TMPRSS11E: variants seen among roughly 807,000 people sequenced by gnomAD.
The protein encoded by TMPRSS11E is transmembrane protease serine 11E.
Under a neutral mutation model 48.1 loss-of-function variants are expected in TMPRSS11E, and 38 were observed. That is an observed-to-expected ratio of 0.79 (90% CI 0.61 to 1.04). The LOEUF (loss-of-function observed/expected upper bound fraction) is 1.04. Ranked by LOEUF, TMPRSS11E falls within the 50% of genes least tolerant of loss-of-function variation. The pLI is 0.00. For missense variants in TMPRSS11E, 530 were observed against 510.8 expected (o/e 1.04, Z -0.36); for synonymous variants, 158 against 171.9 (o/e 0.92, Z 0.63).
rs186303155 is a variant in TMPRSS11E at position 68,466,711 on chromosome 4, T to C, written c.217T>C (p.Ser73Pro). ...ATATGCTGAGTTTGGCAGAGAGGCTTCTAACAATTTTACAGAAATGAGCCA... is the reference window on the plus strand; with the variant it reads ...ATATGCTGAGTTTGGCAGAGAGGCTCCTAACAATTTTACAGAAATGAGCCA... ...KLYAEFGREA[S>P]NNFTEMSQRL... The change falls in exon 3 of 10, where the codon TCT (serine) becomes CCT (proline). Residue 73 changes from serine (S) to proline (P), a missense_variant. Ser to Pro is a moderately conservative substitution (Grantham distance 74). Coordinates refer to ENST00000305363, the MANE Select transcript of TMPRSS11E (RefSeq NM_014058.4). 1 of 1,613,808 alleles carries C rather than the reference T, an allele frequency of 6.2e-7. No individual in the cohort carries two copies. The highest frequency in any genetic ancestry group is 1.7e-5 in the Admixed American group (1 of 59,988).
intron 9 of TMPRSS11E, among the ~76,000 whole-genome samples, chr4:68,489,805 TC>T (rs762836679): frequency 6.6e-6 from 1 of 152,214 alleles, no homozygotes; most frequent in African/African-American, 2.4e-5. Context: ...ATCAGATTGT[TC>T]CCATCCCACA....
chr4:68,473,587 T>G (rs966574634), intron 5 of TMPRSS11E, among the ~76,000 whole-genome samples: 6 of 152,108 alleles, frequency 3.9e-5, no homozygotes, highest in African/African-American at 1.4e-4. Context: ...TTGAACTTCA[T>G]TTTCAAAACA....
Position 68,466,680 on chromosome 4 carries a change from C to A in TMPRSS11E, c.186C>A (p.Asp62Glu), listed in dbSNP as rs1273246213. 1.2e-6 allele frequency: 2 copies of A among 1,613,720 alleles called. No homozygotes were observed. Among genetic ancestry groups the A allele is most frequent in the Admixed American group, 1.7e-5 (1 of 59,990 alleles). The change falls in exon 3 of 10, where the codon GAC (aspartate) becomes GAA (glutamate). Residue 62 changes from aspartate to glutamate, a missense_variant. Coordinates refer to ENST00000305363, the MANE Select transcript of TMPRSS11E (RefSeq NM_014058.4). Reference protein sequence around the residue: ...NYYSTLSFTTDKLYAEFGREA... With the variant: ...NYYSTLSFTTEKLYAEFGREA... Reference sequence around the variant, plus strand: ...ATAGCACATTGTCATTTACAACTGACAAACTATATGCTGAGTTTGGCAGAG... The same window carrying A: ...ATAGCACATTGTCATTTACAACTGAAAAACTATATGCTGAGTTTGGCAGAG...
chr4:68,456,348 G>A (rs1728627302), intron 1 of TMPRSS11E, among the ~76,000 whole-genome samples: 1 of 151,928 alleles, frequency 6.6e-6, no homozygotes. Context: ...CAGCCCAAGC[G>A]CCTGGCTGAT....
chr4:68,488,585 C>T (rs1295185658), intron 9 of TMPRSS11E, among the ~76,000 whole-genome samples: 1 of 152,134 alleles, frequency 6.6e-6, no homozygotes, highest in African/African-American at 2.4e-5. Context: ...GTTGCCCAGG[C>T]TGGAGTGCAG....
At chr4:68,490,521 A>G (rs1729686174) in intron 9 of TMPRSS11E, among the ~76,000 whole-genome samples, 1 of 152,014 alleles carries the variant, frequency 6.6e-6, no homozygotes, top group Admixed American at 6.6e-5. Context: ...ACTAATGCTC[A>G]TTACTACTGC....
At chr4:68,459,183 A>T (rs1728719604) in intron 1 of TMPRSS11E, among the ~76,000 whole-genome samples, 1 of 152,116 alleles carries the variant, frequency 6.6e-6, no homozygotes, top group African/African-American at 2.4e-5. Flanking sequence ...CTAGCCACTC[A>T]GGAGAGCATG....
chr4:68,496,526 AAC>A (rs1729869265), intron 9 of TMPRSS11E, 115 bp from the exon 10 acceptor site: 1 of 1,030,994 alleles, frequency 9.7e-7, no homozygotes, highest in Admixed American at 2.4e-5. Context: ...TATGCATGCG[AAC>A]ACACGGAATA....
At chr4:68,492,255 G>A (rs1322894700) in intron 9 of TMPRSS11E, among the ~76,000 whole-genome samples, 1 of 152,088 alleles carries the variant, frequency 6.6e-6, no homozygotes, top group African/African-American at 2.4e-5. Context: ...TTCCATATTT[G>A]CAAATTCACC....
At chr4:68,452,444 G>T (rs758504693) in intron 1 of TMPRSS11E, among the ~76,000 whole-genome samples, 2 of 151,808 alleles carry the variant, frequency 1.3e-5, no homozygotes, top group Non-Finnish European at 2.9e-5. Flanking sequence ...TTCTCATTTG[G>T]TACTTTACAA....
Position 68,474,767 on chromosome 4 carries a change from T to C in TMPRSS11E, c.529+6T>C. ...AGACAGCTATCTAAACCATTGTAAG[T>C]TTAATATATTTATTAAAATAGCATT... On this transcript the variant is annotated splice_donor_region_variant and intron_variant, in intron 6 of 9. Transcript: ENST00000305363. 6.3e-6 allele frequency: 10 copies of C among 1,594,028 alleles called. No homozygotes were observed. Among genetic ancestry groups the C allele is most frequent in the Non-Finnish European group, 8.5e-6 (10 of 1,173,326 alleles).
chr4:68,489,361 T>C (rs774065327), intron 9 of TMPRSS11E, among the ~76,000 whole-genome samples: 6 of 152,176 alleles, frequency 3.9e-5, no homozygotes, highest in Non-Finnish European at 8.8e-5. Flanking sequence ...GAGGTGTTCC[T>C]GGTCCACTGG....
At chr4:68,461,979 A>T in intron 2 of TMPRSS11E, 34 bp downstream of exon 2, 1 of 1,612,248 alleles carries the variant, frequency 6.2e-7, no homozygotes, top group Non-Finnish European at 8.5e-7. Context: ...CATGTGATTT[A>T]CCCCAAATAT....
intron 1 of TMPRSS11E, among the ~76,000 whole-genome samples, chr4:68,460,046 T>G (rs1490891415): frequency 6.6e-6 from 1 of 152,130 alleles, no homozygotes; most frequent in Non-Finnish European, 1.5e-5. Flanking sequence ...AAACTGGAGA[T>G]GGGAAAGGTT....
chr4:68,455,468 G>C (rs1728604383), intron 1 of TMPRSS11E, among the ~76,000 whole-genome samples: 1 of 151,874 alleles, frequency 6.6e-6, no homozygotes, highest in African/African-American at 2.4e-5. Flanking sequence ...TCATCTGTTT[G>C]AACTAACACT....
chr4:68,482,165 G>A (rs1186563455), intron 9 of TMPRSS11E, among the ~76,000 whole-genome samples: 1 of 59,378 alleles, frequency 1.7e-5, no homozygotes, highest in African/African-American at 5.6e-5. Flanking sequence ...GAGCAAGAGG[G>A]ATAGAGGTGC....
rs756773369 is a variant in TMPRSS11E at position 68,477,526 on chromosome 4, T to C, written c.865T>C (p.Tyr289His). Residue 289 changes from tyrosine to histidine, a missense_variant, in exon 8 of 10, where the codon TAC becomes CAC. Coordinates refer to ENST00000305363, the MANE Select transcript of TMPRSS11E (RefSeq NM_014058.4). ...TGCAGAGCTTTCTAGCCCTGTTCCC[T>C]ACACAAATGCAGTACATAGAGTTTG... ...SLAELSSPVP[Y>H]TNAVHRVCLP... is the part of the protein sequence containing the mutation. 2 of 1,614,126 alleles carry C rather than the reference T, an allele frequency of 1.2e-6. No homozygotes were observed. The highest frequency in any genetic ancestry group is 1.7e-6 in the Non-Finnish European group (2 of 1,179,986).
chr4:68,476,953 A>C (rs1319646419), intron 7 of TMPRSS11E, among the ~76,000 whole-genome samples: 5 of 152,224 alleles, frequency 3.3e-5, no homozygotes. Flanking sequence ...CAAAATGTCT[A>C]TAGTATATAA....
intron 5 of TMPRSS11E, 85 bp downstream of exon 5, chr4:68,471,708 T>C: frequency 9.7e-7 from 1 of 1,028,874 alleles, no homozygotes; most frequent in Non-Finnish European, 1.4e-6. Flanking sequence ...TTTTTTTTGA[T>C]GTCCTTTAAT....
Sources: gnomAD v4.1 joint callset for allele counts (sites outside exome capture counted in the v4.1 genomes callset) on GRCh38, gnomAD v4.1.1 for gene constraint, MANE v1.5 for transcripts, NCBI Gene and HGNC (gene_info 2026-07-23, HGNC 2026-07-21) for gene names.